The following ZNF665 variants were observed in gnomAD, a reference collection of about 807,000 sequenced individuals.
The protein encoded by ZNF665 is zinc finger protein 665.
A neutral mutation model predicts 7.9 loss-of-function variants in ZNF665; 6 were observed. That is an observed-to-expected ratio of 0.76 (90% CI 0.42 to 1.50). The LOEUF is 1.50. Among genes scored for constraint, ZNF665 ranks in the 40% most tolerant of loss-of-function variants. The probability of loss-of-function intolerance (pLI) is 0.01; values close to 1 mark genes in which losing one functional copy is unlikely to be tolerated. For synonymous variants in ZNF665, 242 were observed against 274.5 expected, an observed-to-expected ratio of 0.88 and a Z score of 1.17; for missense variants, 819 against 806.7, an observed-to-expected ratio of 1.02 and a Z score of -0.18.
intron 2 of ZNF665, among the ~76,000 whole-genome samples, chr19:53,177,408 G>A (rs1187624017): frequency 6.6e-6 from 1 of 152,018 alleles, no homozygotes; most frequent in Non-Finnish European, 1.5e-5. Flanking sequence ...GACCAACCTG[G>A]CCAACACAGT....
In ZNF665 at chr19:53,166,014, C is replaced by A; in HGVS notation, c.476G>T (p.Gly159Val). ...AACTTGATTGTATTCATAAATTTTC[C>A]CTTCATGTTGAAATTGCTGCAGTTC... ...LPELQQFQHE[G>V]KIYEYNQVEK... Residue 159 changes from glycine to valine, a missense_variant, in exon 4 of 4, where the codon GGG becomes GTG. Physicochemically the swap from Gly to Val is moderately radical, Grantham distance 109. Transcript: ENST00000396424. 1 of 1,613,844 alleles carries A rather than the reference C, an allele frequency of 6.2e-7. No homozygotes were observed. The highest frequency in any genetic ancestry group is 8.5e-7 in the Non-Finnish European group (1 of 1,179,838).
chr19:53,171,407 G>A (rs552594949), intron 3 of ZNF665, among the ~76,000 whole-genome samples: 3 of 150,430 alleles, frequency 2.0e-5, no homozygotes, highest in South Asian at 4.2e-4. Flanking sequence ...AATAGCAATA[G>A]GAGGTGGCTA....
intron 1 of ZNF665, among the ~76,000 whole-genome samples, chr19:53,188,982 G>GC (rs2146891179): frequency 6.6e-6 from 1 of 152,068 alleles, no homozygotes; most frequent in African/African-American, 2.4e-5. Context: ...GCAGGCGTGA[G>GC]CCACCATGCC....
intron 3 of ZNF665, among the ~76,000 whole-genome samples, chr19:53,174,139 C>T (rs2090679170): frequency 6.6e-6 from 1 of 152,076 alleles, no homozygotes; most frequent in Middle Eastern, 3.4e-3. Context: ...GAGGCACTTG[C>T]CAAAACTATG....
chr19:53,179,244 C>A (rs543652109), intron 2 of ZNF665, among the ~76,000 whole-genome samples: 4 of 151,770 alleles, frequency 2.6e-5, no homozygotes, highest in Non-Finnish European at 5.9e-5. Context: ...GGCGTGGTGG[C>A]GGACGCCTGT....
At chr19:53,169,131 G>A (rs528460894) in intron 3 of ZNF665, among the ~76,000 whole-genome samples, 97 of 152,024 alleles carry the variant, frequency 6.4e-4, no homozygotes, top group African/African-American at 2.0e-3. Context: ...ATGAAGACTC[G>A]GACTGAGGGA....
Position 53,175,457 on chromosome 19 carries a change from G to T in ZNF665, c.130C>A (p.Leu44Met). Residue 44 changes from leucine (L) to methionine (M), a missense_variant, in exon 3 of 4, where the codon CTG becomes ATG. Transcript: ENST00000396424. ...RDVMLENYRN[L>M]VSLDISCKCV... ...AAGTCATCCTCACCCAGGGAGACCA[G>T]GTTCCTATAATTCTCCAACATGACG... 2 of 1,611,296 alleles carry T rather than the reference G, an allele frequency of 1.2e-6. No homozygotes were observed. The highest frequency in any genetic ancestry group is 1.7e-6 in the Non-Finnish European group (2 of 1,179,108).
At chr19:53,182,213 CA>C (rs11322164) in intron 2 of ZNF665, 134,251 of 154,792 alleles carry the variant, frequency 0.87, 59,390 homozygotes, top group South Asian at 0.96. Context: ...ATTAAAAATA[CA>C]AAAAAAAATA....
At chr19:53,174,092 G>T (rs1217526413) in intron 3 of ZNF665, among the ~76,000 whole-genome samples, 1 of 152,118 alleles carries the variant, frequency 6.6e-6, no homozygotes, top group Admixed American at 6.6e-5. Flanking sequence ...TTGGAAGTAG[G>T]TCTTCCAAGC....
At chr19:53,184,682 A>G (rs2090763464) in intron 1 of ZNF665, among the ~76,000 whole-genome samples, 1 of 152,066 alleles carries the variant, frequency 6.6e-6, no homozygotes, top group African/African-American at 2.4e-5. Flanking sequence ...GAGACGAGAG[A>G]GCTTAGAAAT....
chr19:53,166,447 G>T, intron 3 of ZNF665, 100 bp from the exon 4 acceptor site: 1 of 1,085,770 alleles, frequency 9.2e-7, no homozygotes, highest in Non-Finnish European at 1.3e-6. Context: ...TAATAGTTAT[G>T]TTGAACAGAC....
At chr19:53,192,733 T>C (rs1038840054) in intron 1 of ZNF665, among the ~76,000 whole-genome samples, 5 of 151,796 alleles carry the variant, frequency 3.3e-5, no homozygotes, top group African/African-American at 1.2e-4. Context: ...TTCCAGCGGG[T>C]GGAGCTGGGC....
chr19:53,181,045 A>C (rs2090734201), intron 2 of ZNF665: 2 of 152,338 alleles, frequency 1.3e-5, no homozygotes. Context: ...AAAAACACCC[A>C]AAAGCTAATA....
intron 1 of ZNF665, among the ~76,000 whole-genome samples, chr19:53,189,260 G>A (rs992141601): frequency 3.3e-5 from 5 of 151,946 alleles, no homozygotes; most frequent in African/African-American, 9.7e-5. Flanking sequence ...GTGCAGCGAC[G>A]AGAGAGTGTA....
intron 1 of ZNF665, among the ~76,000 whole-genome samples, chr19:53,187,084 G>A (rs2090781305): frequency 3.4e-5 from 1 of 29,274 alleles, no homozygotes; most frequent in African/African-American, 1.9e-4. Flanking sequence ...GGACGGGGCG[G>A]CTGGCCAGGC....
At chr19:53,179,655 C>T (rs2090723920) in intron 2 of ZNF665, 1 of 152,078 alleles carries the variant, frequency 6.6e-6, no homozygotes, top group Non-Finnish European at 1.5e-5. Context: ...TTATAATCAA[C>T]CAGTAAAACT....
intron 2 of ZNF665, among the ~76,000 whole-genome samples, chr19:53,176,016 C>G (rs2090695225): frequency 1.3e-5 from 2 of 152,060 alleles, no homozygotes; most frequent in Non-Finnish European, 2.9e-5. Flanking sequence ...CAAAAATTAG[C>G]CGGGCATGGT....
In ZNF665 at chr19:53,165,978, G is replaced by T. The variant is rs200694678; in HGVS notation, c.512C>A (p.Pro171His). 99 of 1,613,584 alleles carry T rather than the reference G, an allele frequency of 6.1e-5. No homozygotes were observed. Among genetic ancestry groups the T allele is most frequent in the Non-Finnish European group, 7.6e-5 (90 of 1,179,754 alleles). The change falls in exon 4 of 4, where the codon CCT (proline) becomes CAT (histidine). Residue 171 changes from proline (P) to histidine (H), a missense_variant. Pro to His is a moderately conservative substitution (Grantham distance 77, BLOSUM62 -2). Transcript: ENST00000396424. ...TTTATAATGTTTTCCTCGATTATTA[G>T]GAGACTTCTCAACTTGATTGTATTC... ...IYEYNQVEKSPNNRGKHYKCD... is the reference protein window; with the variant it reads ...IYEYNQVEKSHNNRGKHYKCD...
intron 2 of ZNF665, 135 bp from the exon 3 acceptor site, chr19:53,175,706 G>A (rs2090692884): frequency 8.1e-6 from 8 of 985,634 alleles, no homozygotes; most frequent in South Asian, 1.6e-5. Flanking sequence ...TGTGATCACG[G>A]TACATACAGA....
Sources: gnomAD v4.1 joint callset for allele counts (sites outside exome capture counted in the v4.1 genomes callset) on GRCh38, gnomAD v4.1.1 for gene constraint, MANE v1.5 for transcripts, NCBI Gene and HGNC (gene_info 2026-07-23, HGNC 2026-07-21) for gene names.